Variants in ASPRV1 observed in about 807,000 individuals in gnomAD.
The protein encoded by ASPRV1 is aspartic peptidase retroviral like 1, also known as retroviral-like aspartic protease 1.
Under a neutral mutation model 11.0 loss-of-function variants are expected in ASPRV1, and 7 were observed. The observed-to-expected ratio is 0.64, with a 90% confidence interval of 0.36 to 1.20. The LOEUF (loss-of-function observed/expected upper bound fraction) is 1.20. Among genes scored for constraint, ASPRV1 ranks in the 50% most tolerant of loss-of-function variants. The probability of loss-of-function intolerance (pLI) is 0.02; values close to 1 mark genes in which losing one functional copy is unlikely to be tolerated. For missense variants in ASPRV1, 299 were observed against 320.0 expected (o/e 0.93, Z 0.50); for synonymous variants, 136 against 138.4 (o/e 0.98, Z 0.12).
the ASPRV1 span, chr2:70,083,798 A>G: frequency 6.6e-5 from 10 of 152,348 alleles, no homozygotes; most frequent in South Asian, 6.2e-4. Context: ...GTCCCTGGAC[A>G]TAAGTAGAAG....
the ASPRV1 span, among the ~76,000 whole-genome samples, chr2:69,949,896 AC>A: frequency 2.6e-5 from 4 of 152,002 alleles, no homozygotes; most frequent in East Asian, 7.7e-4. Context: ...GCTCACTGCA[AC>A]CTCCGCCTCC....
the ASPRV1 span, among the ~76,000 whole-genome samples, chr2:70,013,505 A>G: frequency 6.6e-6 from 1 of 152,236 alleles, no homozygotes; most frequent in East Asian, 1.9e-4. Context: ...TCTTCTATTA[A>G]GCCAAACATT....
the ASPRV1 span, chr2:69,938,186 G>A: frequency 6.2e-7 from 1 of 1,614,214 alleles, no homozygotes; most frequent in Non-Finnish European, 8.5e-7. Context: ...TGACGAGCGG[G>A]GCAGCATGCA....
At chr2:69,999,352 G>A in the ASPRV1 span, among the ~76,000 whole-genome samples, 1 of 151,972 alleles carries the variant, frequency 6.6e-6, no homozygotes, top group South Asian at 2.1e-4. Flanking sequence ...AAATTCTGCA[G>A]CGGAAGTATT....
the ASPRV1 span, among the ~76,000 whole-genome samples, chr2:69,945,079 C>T: frequency 6.6e-6 from 1 of 152,228 alleles, no homozygotes; most frequent in East Asian, 1.9e-4. Context: ...AGGCCCATTG[C>T]CCACTTAGGC....
chr2:70,028,196 T>C, the ASPRV1 span, among the ~76,000 whole-genome samples: 1 of 152,182 alleles, frequency 6.6e-6, no homozygotes, highest in Admixed American at 6.5e-5. Flanking sequence ...TTCTGAGCTG[T>C]TGGCACTCTT....
the ASPRV1 span, chr2:69,942,589 C>T: frequency 6.6e-6 from 1 of 152,140 alleles, no homozygotes; most frequent in African/African-American, 2.4e-5. Context: ...AGGGAGCATT[C>T]TTCATTTTAG....
the ASPRV1 span, among the ~76,000 whole-genome samples, chr2:69,951,479 GTGTGTA>G: frequency 0.019 from 1,798 of 94,404 alleles, 55 homozygotes; most frequent in African/African-American, 0.084. Context: ...GTGTGTGTGT[GTGTGTA>G]TATCTATATG....
chr2:70,082,443 G>A, the ASPRV1 span, among the ~76,000 whole-genome samples: 8 of 151,946 alleles, frequency 5.3e-5, no homozygotes, highest in Admixed American at 5.3e-4. Context: ...GGGTGCGGTG[G>A]CTCACACCTA....
the ASPRV1 span, among the ~76,000 whole-genome samples, chr2:69,954,931 T>C: frequency 6.6e-6 from 1 of 152,186 alleles, no homozygotes; most frequent in African/African-American, 2.4e-5. Flanking sequence ...ACATGTGCCT[T>C]GGAGAAGTCA....
At chr2:70,021,195 T>C in the ASPRV1 span, among the ~76,000 whole-genome samples, 1 of 152,184 alleles carries the variant, frequency 6.6e-6, no homozygotes, top group African/African-American at 2.4e-5. Context: ...GGCACAGTAT[T>C]CTTTAGGTTT....
upstream of ASPRV1, among the ~76,000 whole-genome samples, chr2:69,965,874 G>A (rs552622031): frequency 2.1e-4 from 32 of 152,308 alleles, no homozygotes; most frequent in Middle Eastern, 0.017. Context: ...CAGTGTCACC[G>A]CTGAAGGACA....
Position 69,961,573 on chromosome 2 carries a change from C to G in ASPRV1, c.-137G>C. On this transcript the variant is annotated 5_prime_UTR_variant, in exon 1 of 1. Coordinates refer to ENST00000320256, the MANE Select transcript of ASPRV1 (RefSeq NM_152792.4). The stretch of plus-strand genomic sequence containing the variant: ...GATGACTTGCCCGGCCTTGGGCAAG[C>G]AGGAGGGAGCAGGCGCGGTCGGCTG... 6.2e-7 allele frequency: 1 copy of G among 1,613,958 alleles called. No individual in the cohort carries two copies. Among genetic ancestry groups the G allele is most frequent in the Non-Finnish European group, 8.5e-7 (1 of 1,179,906 alleles).
chr2:70,024,750 C>A, the ASPRV1 span, among the ~76,000 whole-genome samples: 2 of 152,120 alleles, frequency 1.3e-5, no homozygotes, highest in Admixed American at 1.3e-4. Flanking sequence ...CCCCACATTT[C>A]GCCCCCTCCC....
the ASPRV1 span, among the ~76,000 whole-genome samples, chr2:69,945,110 C>G: frequency 2.6e-5 from 4 of 152,066 alleles, no homozygotes; most frequent in Non-Finnish European, 5.9e-5. Flanking sequence ...ATAAAGGACA[C>G]GTAGGCCTGT....
At chr2:70,004,706 T>C in the ASPRV1 span, among the ~76,000 whole-genome samples, 2 of 152,128 alleles carry the variant, frequency 1.3e-5, no homozygotes, top group African/African-American at 2.4e-5. Flanking sequence ...ACCTAGACTT[T>C]CTGAAAGGAA....
the ASPRV1 span, among the ~76,000 whole-genome samples, chr2:69,951,115 T>C: frequency 2.0e-5 from 3 of 152,086 alleles, no homozygotes; most frequent in South Asian, 6.2e-4. Flanking sequence ...AAGGTTCTTA[T>C]ATATGTATAT....
At chr2:70,043,589 A>G in the ASPRV1 span, among the ~76,000 whole-genome samples, 14 of 152,324 alleles carry the variant, frequency 9.2e-5, no homozygotes, top group African/African-American at 3.4e-4. Context: ...GCTTTCTGGT[A>G]AATTTCTTAG....
the ASPRV1 span, among the ~76,000 whole-genome samples, chr2:69,982,751 G>A: frequency 6.6e-6 from 1 of 152,112 alleles, no homozygotes; most frequent in Non-Finnish European, 1.5e-5. Context: ...CCTGCAGCTG[G>A]TCACCACAAA....
Sources: allele counts gnomAD v4.1 joint callset (sites outside exome capture counted in the v4.1 genomes callset), GRCh38; gene constraint gnomAD v4.1.1; transcripts MANE v1.5; gene names NCBI Gene and HGNC (gene_info 2026-07-23, HGNC 2026-07-21).